ATP11A: variants seen among roughly 807,000 people sequenced by gnomAD.
ATP11A encodes phospholipid-transporting ATPase IH.
A neutral mutation model predicts 154.4 loss-of-function variants in ATP11A; 81 were observed. That is an observed-to-expected ratio of 0.52 (90% CI 0.44 to 0.63). The LOEUF is 0.63. Ranked by LOEUF, ATP11A falls within the 30% of genes least tolerant of loss-of-function variation. The probability of loss-of-function intolerance (pLI) is 0.00; values close to 1 mark genes in which losing one functional copy is unlikely to be tolerated. For synonymous variants in ATP11A, 623 were observed against 585.9 expected, an observed-to-expected ratio of 1.06 and a Z score of -0.91; for missense variants, 1,316 against 1,474.3, an observed-to-expected ratio of 0.89 and a Z score of 1.76.
intron 2 of ATP11A, among the ~76,000 whole-genome samples, chr13:112,799,315 C>T (rs1045210100): frequency 5.3e-5 from 8 of 152,154 alleles, no homozygotes; most frequent in East Asian, 1.9e-4. Flanking sequence ...CTCACGCGTC[C>T]ATGTGAAGAG....
chr13:112,819,196 A>G, intron 6 of ATP11A, 108 bp from the exon 7 acceptor site: 1 of 882,484 alleles, frequency 1.1e-6, no homozygotes, highest in Non-Finnish European at 1.8e-6. Flanking sequence ...AAACATTTAC[A>G]AACTCATAGG....
intron 28 of ATP11A, among the ~76,000 whole-genome samples, chr13:112,877,729 G>T (rs997708780): frequency 6.6e-6 from 1 of 152,202 alleles, no homozygotes; most frequent in African/African-American, 2.4e-5. Flanking sequence ...GCCTCTCCCC[G>T]CAGGAGTCTG....
chr13:112,711,183 C>T (rs1316610162), intron 1 of ATP11A, among the ~76,000 whole-genome samples: 2 of 152,184 alleles, frequency 1.3e-5, no homozygotes, highest in Admixed American at 6.5e-5. Flanking sequence ...CATCATGCTT[C>T]CTGAGCCAGA....
chr13:112,826,651 C>A, intron 11 of ATP11A, 43 bp from the exon 12 acceptor site: 1 of 1,538,162 alleles, frequency 6.5e-7, no homozygotes, highest in Non-Finnish European at 9.0e-7. Context: ...GGCCTGCTGT[C>A]CCTCCTGGTG....
chr13:112,833,078 C>CA, intron 14 of ATP11A, 55 bp downstream of exon 14: 1 of 1,570,566 alleles, frequency 6.4e-7, no homozygotes, highest in African/African-American at 1.3e-5. Context: ...CAGCCCCTCC[C>CA]CAGCCCCAGT....
At chr13:112,779,416 A>G (rs1215490884) in intron 1 of ATP11A, among the ~76,000 whole-genome samples, 6 of 138,870 alleles carry the variant, frequency 4.3e-5, no homozygotes, top group African/African-American at 1.6e-4. Flanking sequence ...TAGCCACTGG[A>G]GTGTGTAGCC....
intron 1 of ATP11A, among the ~76,000 whole-genome samples, chr13:112,709,771 C>G (rs180843611): frequency 1.6e-4 from 25 of 152,236 alleles, no homozygotes; most frequent in African/African-American, 6.0e-4. Flanking sequence ...AAGCTGCGCC[C>G]GACCACCTTG....
intron 16 of ATP11A, 43 bp from the exon 17 acceptor site, chr13:112,842,233 T>C: frequency 1.4e-6 from 2 of 1,410,624 alleles, no homozygotes; most frequent in Non-Finnish European, 2.0e-6. Flanking sequence ...AATCTAGTCT[T>C]CCCCATATTG....
chr13:112,841,646 G>GGGGGCT (rs1240111612), intron 16 of ATP11A, among the ~76,000 whole-genome samples: 1 of 152,276 alleles, frequency 6.6e-6, no homozygotes, highest in African/African-American at 2.4e-5. Flanking sequence ...CAGGTGCAGA[G>GGGGGCT]GGGGCTCTGT....
Position 112,881,344 on chromosome 13 carries a change from G to A in ATP11A, c.*10-532G>A, listed in dbSNP as rs1419400603. 6.9e-6 allele frequency: 7 copies of A among 1,012,662 alleles called. No homozygotes were observed. In the East Asian group the frequency reaches 6.0e-4, roughly 87 times the overall value. The allele number at this position is 1,012,662 out of a possible 1,614,324, so 62.7% of individuals were successfully genotyped here. ...TAGGCAACATGTCAAGGGGATGCAA[G>A]CTGGGCACGTCCAGTACTAAATCAA... On this transcript the variant is annotated intron_variant, in intron 29 of 29. Coordinates refer to ENST00000375645, the MANE Select transcript of ATP11A (RefSeq NM_015205.3).
intron 25 of ATP11A, among the ~76,000 whole-genome samples, chr13:112,863,361 A>G (rs2080187771): frequency 6.9e-6 from 1 of 144,642 alleles, no homozygotes; most frequent in Non-Finnish European, 1.5e-5. Flanking sequence ...CTGCGCAGTA[A>G]TTCAGTGCGG....
chr13:112,772,058 T>A (rs943913070), intron 1 of ATP11A, among the ~76,000 whole-genome samples: 3 of 152,234 alleles, frequency 2.0e-5, no homozygotes, highest in Admixed American at 6.5e-5. Flanking sequence ...CCATGAGAAC[T>A]GAGTGCTTTT....
At chr13:112,758,701 G>A (rs894661457) in intron 1 of ATP11A, among the ~76,000 whole-genome samples, 2 of 152,192 alleles carry the variant, frequency 1.3e-5, no homozygotes, top group Non-Finnish European at 2.9e-5. Flanking sequence ...GGGATTACAG[G>A]CGTGAGCCAC....
At chr13:112,765,471 C>T (rs1361035543) in intron 1 of ATP11A, among the ~76,000 whole-genome samples, 1 of 152,256 alleles carries the variant, frequency 6.6e-6, no homozygotes, top group Non-Finnish European at 1.5e-5. Flanking sequence ...TCCTTGTCCA[C>T]TCCACGTTCT....
At chr13:112,830,192 A>G (rs1456768162) in intron 12 of ATP11A, among the ~76,000 whole-genome samples, 1 of 152,236 alleles carries the variant, frequency 6.6e-6, no homozygotes, top group Non-Finnish European at 1.5e-5. Context: ...TCCTAGAAAT[A>G]TGCCACCTAT....
intron 26 of ATP11A, among the ~76,000 whole-genome samples, chr13:112,872,977 AGCGGTGTG>A (rs2080579245): frequency 6.9e-6 from 1 of 144,714 alleles, no homozygotes; most frequent in Non-Finnish European, 1.5e-5. Flanking sequence ...TGTCTTCCTG[AGCGGTGTG>A]AGGTGTGGCT....
At position 112,803,972 on chromosome 13, in the gene ATP11A, TCCCTCATTC is replaced by T. The variant is rs1424627907; in HGVS notation, c.163-970_163-962del. 4.8e-3 allele frequency among the ~76,000 whole-genome samples: 263 copies of T among 54,612 alleles called. 5 individuals carry two copies. Among genetic ancestry groups the T allele is most frequent in the African/African-American group, 7.6e-3 (84 of 11,036 alleles). 35.8% of individuals were successfully genotyped at this position (54,612 alleles called of 152,430 possible). On this transcript the variant is annotated intron_variant, in intron 2 of 29. Transcript: ENST00000375645. ...CCTTTTCCTCCTTTCTTCCCTTCCT[TCCCTCATTC>T]CCCTCATTCCCCTCCTTCCCTCCTT...
At chr13:112,830,238 C>CTT (rs1191109895) in intron 12 of ATP11A, among the ~76,000 whole-genome samples, 2 of 152,180 alleles carry the variant, frequency 1.3e-5, no homozygotes, top group African/African-American at 4.8e-5. Context: ...AACCAAACCT[C>CTT]TTAACATTTG....
In ATP11A at chr13:112,766,801, T is replaced by C. The variant is rs76608688; in HGVS notation, c.40-18334T>C. Among the ~76,000 whole-genome samples the C allele has an allele frequency of 2.4e-3, 5 of 2,046 alleles. No homozygotes were observed. The African/African-American group carries it at 0.075, about 31-fold the overall frequency. 1.3% of individuals were successfully genotyped at this position (2,046 alleles called of 152,430 possible). On this transcript the variant is annotated intron_variant, in intron 1 of 29. Transcript: ENST00000375645. ...TTCCTGTGAGGAGGATGTGGGGGCG[T>C]TGGGGGCCACTGTGGGAAGGTGGGG...
Sources: gnomAD v4.1 joint callset for allele counts (sites outside exome capture counted in the v4.1 genomes callset) on GRCh38, gnomAD v4.1.1 for gene constraint, MANE v1.5 for transcripts, NCBI Gene and HGNC (gene_info 2026-07-23, HGNC 2026-07-21) for gene names.